CTNND2: variants seen among roughly 807,000 people sequenced by gnomAD.
The protein encoded by CTNND2 is catenin delta-2.
Under a neutral mutation model 144.4 loss-of-function variants are expected in CTNND2, and 22 were observed. That is an observed-to-expected ratio of 0.15 (90% CI 0.11 to 0.22). The LOEUF (loss-of-function observed/expected upper bound fraction) is 0.22, where lower values mean the gene tolerates loss of function less well. Among genes scored for constraint, CTNND2 ranks in the 10% least tolerant of loss-of-function variants. CTNND2 has a pLI of 1.00. For missense variants in CTNND2, 1,353 were observed against 1,618.8 expected, an observed-to-expected ratio of 0.84 and a Z score of 2.82; for synonymous variants, 751 against 695.6, an observed-to-expected ratio of 1.08 and a Z score of -1.25.
chr5:11,782,635 T>C (rs1381330986), intron 1 of CTNND2, among the ~76,000 whole-genome samples: 3 of 152,232 alleles, frequency 2.0e-5, no homozygotes, highest in Non-Finnish European at 2.9e-5. Flanking sequence ...GACGAATCTA[T>C]TTCAATCAGC....
intron 3 of CTNND2, among the ~76,000 whole-genome samples, chr5:11,458,393 G>A (rs905153120): frequency 1.2e-4 from 19 of 152,186 alleles, no homozygotes; most frequent in African/African-American, 4.3e-4. Context: ...AGTGTGCCAT[G>A]AGAAAACTAG....
intron 21 of CTNND2, among the ~76,000 whole-genome samples, chr5:10,975,586 T>C (rs1394185275): frequency 6.6e-6 from 1 of 152,168 alleles, no homozygotes; most frequent in African/African-American, 2.4e-5. Context: ...AACTGGAACA[T>C]ACGGCTGGCT....
chr5:11,390,682 C>T (rs1056298720), intron 6 of CTNND2, among the ~76,000 whole-genome samples: 1 of 152,166 alleles, frequency 6.6e-6, no homozygotes, highest in Admixed American at 6.5e-5. Context: ...GCCTATTTGC[C>T]CAGGATGCTG....
chr5:11,379,413 T>C (rs772582256), intron 7 of CTNND2, among the ~76,000 whole-genome samples: 1 of 152,184 alleles, frequency 6.6e-6, no homozygotes, highest in Non-Finnish European at 1.5e-5. Context: ...TCCCTGTCAT[T>C]TCTAGATGAG....
chr5:11,432,506 A>C (rs185587913), intron 3 of CTNND2, among the ~76,000 whole-genome samples: 146 of 152,334 alleles, frequency 9.6e-4, no homozygotes, highest in Non-Finnish European at 1.4e-3. Context: ...TTCCTAGCAA[A>C]CTACTACAGC....
chr5:11,153,349 T>C (rs1457179044), intron 12 of CTNND2, among the ~76,000 whole-genome samples: 7 of 152,204 alleles, frequency 4.6e-5, no homozygotes, highest in Admixed American at 4.6e-4. Context: ...TTGGGGCTCA[T>C]GATACAACAC....
chr5:11,785,212 C>T (rs1790763584), intron 1 of CTNND2, among the ~76,000 whole-genome samples: 1 of 151,958 alleles, frequency 6.6e-6, no homozygotes, highest in Admixed American at 6.6e-5. Flanking sequence ...ATTAATGTAT[C>T]CCAACATTAT....
At chr5:11,892,555 G>C (rs778235449) in intron 1 of CTNND2, among the ~76,000 whole-genome samples, 3 of 151,872 alleles carry the variant, frequency 2.0e-5, no homozygotes, top group Non-Finnish European at 4.4e-5. Context: ...AATCCACAAA[G>C]CAATTTGCTC....
chr5:11,243,049 C>T (rs1308675168), intron 9 of CTNND2, among the ~76,000 whole-genome samples: 1 of 152,074 alleles, frequency 6.6e-6, no homozygotes, highest in Non-Finnish European at 1.5e-5. Context: ...TATGTAATAC[C>T]GCTGAAGGTT....
intron 16 of CTNND2, among the ~76,000 whole-genome samples, chr5:11,070,720 G>T (rs1303825726): frequency 6.6e-6 from 1 of 152,146 alleles, no homozygotes; most frequent in African/African-American, 2.4e-5. Flanking sequence ...GAATTCTAAG[G>T]AGAGGTATCC....
intron 9 of CTNND2, among the ~76,000 whole-genome samples, chr5:11,261,501 C>G (rs1226032749): frequency 1.3e-5 from 2 of 152,252 alleles, no homozygotes; most frequent in Non-Finnish European, 1.5e-5. Flanking sequence ...GCAGTTAACT[C>G]TCCAAAGGAC....
intron 3 of CTNND2, among the ~76,000 whole-genome samples, chr5:11,438,309 T>C (rs1763951072): frequency 6.6e-6 from 1 of 152,248 alleles, no homozygotes; most frequent in Non-Finnish European, 1.5e-5. Flanking sequence ...GTCCACAATG[T>C]ACCAGGCCTT....
chr5:11,318,440 A>G (rs2150064515), intron 9 of CTNND2, among the ~76,000 whole-genome samples: 1 of 151,602 alleles, frequency 6.6e-6, no homozygotes, highest in East Asian at 1.9e-4. Context: ...AGGCAGTTCC[A>G]CCTCCCTCTC....
At chr5:11,385,288 C>A in intron 6 of CTNND2, 59 bp from the exon 7 acceptor site, 1 of 1,024,714 alleles carries the variant, frequency 9.8e-7, no homozygotes, top group Non-Finnish European at 1.2e-6. Flanking sequence ...CACGGCCCAC[C>A]CGGCCCAGCC....
intron 9 of CTNND2, among the ~76,000 whole-genome samples, chr5:11,299,345 CG>C (rs1289154464): frequency 6.6e-6 from 1 of 152,100 alleles, no homozygotes; most frequent in East Asian, 1.9e-4. Context: ...GCTGAGACCT[CG>C]TTACTGCCAT....
At chr5:11,069,886 A>T (rs1050292854) in intron 16 of CTNND2, among the ~76,000 whole-genome samples, 4 of 152,204 alleles carry the variant, frequency 2.6e-5, no homozygotes, top group Non-Finnish European at 5.9e-5. Context: ...ACTGAATTTA[A>T]CTGGGCTGCA....
rs1043808753 is a variant in CTNND2 at position 11,484,153 on chromosome 5, A to T, written c.288-72084T>A. 3.3e-5 allele frequency among the ~76,000 whole-genome samples: 5 copies of T among 152,272 alleles called. No homozygotes were observed. In the East Asian group the frequency reaches 9.7e-4, roughly 29 times the overall value. ...GAAGTGCTTTCATGTGTCCTTAACT[A>T]TGACTGAGCTGTTCTCCAGGACCTG... On this transcript the variant is annotated intron_variant, in intron 3 of 21. Transcript: ENST00000304623.
chr5:11,377,926 C>T (rs1191741624), intron 7 of CTNND2, among the ~76,000 whole-genome samples: 2 of 152,178 alleles, frequency 1.3e-5, no homozygotes, highest in African/African-American at 4.8e-5. Context: ...CTGTTGAGTT[C>T]TGGACCCGTA....
chr5:11,688,112 C>T (rs574895150), intron 2 of CTNND2, among the ~76,000 whole-genome samples: 54 of 152,230 alleles, frequency 3.5e-4, no homozygotes, highest in African/African-American at 1.3e-3. Flanking sequence ...AGGGTACTGG[C>T]TTTTACTGAG....
Sources: gnomAD v4.1 joint callset for allele counts (sites outside exome capture counted in the v4.1 genomes callset) on GRCh38, gnomAD v4.1.1 for gene constraint, MANE v1.5 for transcripts, NCBI Gene and HGNC (gene_info 2026-07-23, HGNC 2026-07-21) for gene names.